Variants in TRIM5 observed in about 807,000 individuals in gnomAD.
TRIM5 encodes tripartite motif containing 5.
Under a neutral mutation model 35.6 loss-of-function variants are expected in TRIM5, and 31 were observed. The observed-to-expected ratio is 0.87, with a 90% CI of 0.65 to 1.18. TRIM5 has a LOEUF of 1.18. Among genes scored for constraint, TRIM5 ranks in the 50% most tolerant of loss-of-function variants. The pLI is 0.00. For missense variants in TRIM5, 609 were observed against 591.6 expected (o/e 1.03, Z -0.31); for synonymous variants, 243 against 215.6 (o/e 1.13, Z -1.11).
At chr11:5,608,289 T>G in the TRIM5 span, 1 of 1,579,350 alleles carries the variant, frequency 6.3e-7, no homozygotes, top group Non-Finnish European at 8.6e-7. Flanking sequence ...TATCATATCA[T>G]GGGGTAGGGG....
In TRIM5 at chr11:5,665,364, T is replaced by C. The variant is rs1278925253; in HGVS notation, c.927A>G (p.Ser309=). 2 of 1,612,472 alleles carry C rather than the reference T, an allele frequency of 1.2e-6. No homozygotes were observed. The highest frequency in any genetic ancestry group is 8.5e-7 in the Non-Finnish European group (1 of 1,179,282). ...TCTTATCTTCAGAAATGACAGCACA[T>C]GAAATGTTGTTTGGAGCCACTGTCA... ...VDVTVAPNNI[S]CAVISEDKRQ... is the part of the protein sequence containing the mutation. Residue 309 remains serine, a synonymous_variant, in exon 8 of 8, where the codon TCA becomes TCG. Transcript: ENST00000380034.
At chr11:5,684,772 C>G (rs1416537510) in intron 1 of TRIM5, 96 bp downstream of exon 1, 1 of 152,248 alleles carries the variant, frequency 6.6e-6, no homozygotes, top group Admixed American at 6.5e-5. Flanking sequence ...GCCCGCCAGG[C>G]GGCTCTGTTC....
chr11:5,608,393 A>G, the TRIM5 span: 5 of 1,613,626 alleles, frequency 3.1e-6, no homozygotes, highest in Non-Finnish European at 4.2e-6. Flanking sequence ...TGTCACAGAA[A>G]GGTATGTGTA....
intron 1 of TRIM5, among the ~76,000 whole-genome samples, chr11:5,680,615 C>A (rs1378852799): frequency 6.6e-6 from 1 of 152,224 alleles, no homozygotes; most frequent in East Asian, 1.9e-4. Context: ...ACAGCTTATG[C>A]CTCAGGGCTT....
the TRIM5 span, chr11:5,643,551 C>G: frequency 6.2e-7 from 1 of 1,614,030 alleles, no homozygotes; most frequent in Non-Finnish European, 8.5e-7. Flanking sequence ...TGGGGTTTTC[C>G]TCGACTATGA....
At chr11:5,643,616 G>A in the TRIM5 span, 3 of 1,613,966 alleles carry the variant, frequency 1.9e-6, no homozygotes, top group Admixed American at 5.0e-5. Flanking sequence ...TCATTTACAA[G>A]TTCTCTAAAT....
At chr11:5,682,751 T>A (rs1029396028) in intron 1 of TRIM5, among the ~76,000 whole-genome samples, 1 of 152,230 alleles carries the variant, frequency 6.6e-6, no homozygotes, top group South Asian at 2.1e-4. Context: ...CCATTTTGTG[T>A]GCCTGGGTTG....
the TRIM5 span, chr11:5,620,064 C>T: frequency 6.7e-6 from 1 of 150,082 alleles, no homozygotes; most frequent in Non-Finnish European, 1.5e-5. Context: ...TTACCTGTCT[C>T]TACATTTTGG....
the TRIM5 span, chr11:5,591,122 G>C: frequency 6.5e-6 from 1 of 152,882 alleles, no homozygotes; most frequent in South Asian, 2.1e-4. Context: ...GTTGGGATGA[G>C]GAAGAGGAAA....
In TRIM5 at chr11:5,665,678, C is replaced by T; in HGVS notation, c.873G>A (p.Leu291=). The change falls in exon 7 of 8, where the codon CTG becomes CTA. Residue 291 remains leucine, a synonymous_variant. Transcript: ENST00000380034. ...LKGMLEVFRE[L]TDVRRYWVDV... ...TACCCCAGTAGCGTCGGACATCTGT[C>T]AGCTCTGAAATGATAAAAATGCACA... 6.6e-7 allele frequency: 1 copy of T among 1,521,168 alleles called. No individual in the cohort carries two copies. The highest frequency in any genetic ancestry group is 2.4e-5 in the Admixed American group (1 of 41,382). The allele number at this position is 1,521,168 out of a possible 1,614,324, so 94.2% of individuals were successfully genotyped here. A position where few individuals can be genotyped will look rare whatever the true frequency, so the allele number is the denominator to read the frequency against.
At chr11:5,637,902 A>G in the TRIM5 span, among the ~76,000 whole-genome samples, 1 of 152,196 alleles carries the variant, frequency 6.6e-6, no homozygotes, top group African/African-American at 2.4e-5. Flanking sequence ...TTTGGGCTAC[A>G]TGGTACTCAT....
chr11:5,641,777 T>C, the TRIM5 span, among the ~76,000 whole-genome samples: 6,156 of 152,300 alleles, frequency 0.04, 398 homozygotes, highest in African/African-American at 0.14. Context: ...GTGTCTACCA[T>C]TGCCAACCCA....
At position 5,663,856 on chromosome 11, in the gene TRIM5, AAAC is replaced by A. The variant is rs1263861853; in HGVS notation, c.*950_*952del. The A allele has an allele frequency of 6.5e-6, 1 of 152,898 alleles. No individual in the cohort carries two copies. The highest frequency in any genetic ancestry group is 1.5e-5 in the Non-Finnish European group (1 of 68,612). 9.5% of individuals were successfully genotyped at this position (152,898 alleles called of 1,614,324 possible). On this transcript the variant is annotated 3_prime_UTR_variant, in exon 8 of 8. Coordinates refer to ENST00000380034, the MANE Select transcript of TRIM5 (RefSeq NM_033034.3). ...ACTCTAGTCACCCTACTATGCAATA[AAAC>A]ATTAGCACTTATTTAATGTGAAGTT...
the TRIM5 span, among the ~76,000 whole-genome samples, chr11:5,622,668 A>C: frequency 2.6e-5 from 4 of 152,306 alleles, no homozygotes; most frequent in African/African-American, 9.6e-5. Context: ...TCAAGTGAAC[A>C]AAATGAATGA....
At chr11:5,663,125 AAAACAAACAAACAAAC>A (rs71053290), downstream of TRIM5, 41 of 513,404 alleles carry the variant, frequency 8.0e-5, no homozygotes, top group East Asian at 3.1e-4. Flanking sequence ...ACCCTGTCTC[AAAACAAACAAACAAAC>A]AAACAAACAA....
the TRIM5 span, among the ~76,000 whole-genome samples, chr11:5,608,147 A>G: frequency 4.6e-5 from 7 of 152,166 alleles, no homozygotes; most frequent in Non-Finnish European, 7.4e-5. Context: ...CACACACACA[A>G]TGTTGTGAAA....
Position 5,667,680 on chromosome 11 carries a change from C to T in TRIM5, c.767+9G>A, listed in dbSNP as rs775532375. The T allele has an allele frequency of 6.2e-7, 1 of 1,613,348 alleles. No homozygotes were observed. Among genetic ancestry groups the T allele is most frequent in the Non-Finnish European group, 8.5e-7 (1 of 1,179,762 alleles). ...CACAAAAGGACCATCTCTGTCCTCC[C>T]ACACATACCTTTTTATGACGCCATC... On this transcript the variant is annotated intron_variant, in intron 5 of 7. Transcript: ENST00000380034.
At chr11:5,639,910 T>C in the TRIM5 span, among the ~76,000 whole-genome samples, 7 of 152,282 alleles carry the variant, frequency 4.6e-5, no homozygotes, top group Non-Finnish European at 7.4e-5. Context: ...CAATGCATAA[T>C]AATTACATCA....
At chr11:5,610,532 C>G in the TRIM5 span, 2 of 1,614,026 alleles carry the variant, frequency 1.2e-6, no homozygotes, top group African/African-American at 1.3e-5. Flanking sequence ...TTCATCATTA[C>G]AGAGCTGACA....
Sources: gnomAD v4.1 joint callset for allele counts (sites outside exome capture counted in the v4.1 genomes callset) on GRCh38, gnomAD v4.1.1 for gene constraint, MANE v1.5 for transcripts, NCBI Gene and HGNC (gene_info 2026-07-23, HGNC 2026-07-21) for gene names.